Variants in FAM78B observed in about 807,000 individuals in gnomAD.
FAM78B encodes family with sequence similarity 78 member B.
Under a neutral mutation model 20.0 loss-of-function variants are expected in FAM78B, and 10 were observed. The ratio of observed to expected loss-of-function variants is 0.50; its 90% CI spans 0.31 to 0.85. The LOEUF is 0.85. Ranked by LOEUF, FAM78B falls within the 40% of genes least tolerant of loss-of-function variation. The pLI, the probability that FAM78B is intolerant of heterozygous loss-of-function variation, is 0.05. For synonymous variants in FAM78B, 135 were observed against 132.8 expected, an observed-to-expected ratio of 1.02 and a Z score of -0.12; for missense variants, 283 against 345.0, an observed-to-expected ratio of 0.82 and a Z score of 1.42.
intron 1 of FAM78B, among the ~76,000 whole-genome samples, chr1:166,100,382 A>G (rs1345781743): frequency 6.6e-6 from 1 of 152,226 alleles, no homozygotes. Context: ...CATGAGCCGA[A>G]GCAGGGCAAG....
chr1:166,070,167 C>G lies in FAM78B; in HGVS notation c.*74G>C. On this transcript the variant is annotated 3_prime_UTR_variant, in exon 2 of 2. Coordinates refer to ENST00000354422, the MANE Select transcript of FAM78B (RefSeq NM_001017961.5). The stretch of plus-strand genomic sequence containing the variant: ...GCTTTGGCTCAGAAACTCTGTTTGG[C>G]TCCTGCCACCCCTGGCACCCTCACT... 1 of 1,436,160 alleles carries G rather than the reference C, an allele frequency of 7.0e-7. No homozygotes were observed. Among genetic ancestry groups the G allele is most frequent in the Admixed American group, 2.4e-5 (1 of 41,696 alleles). 89.0% of individuals were successfully genotyped at this position (1,436,160 alleles called of 1,614,324 possible). A position where few individuals can be genotyped will look rare whatever the true frequency, so the allele number is the denominator to read the frequency against.
chr1:166,148,197 A>C lies in FAM78B; in HGVS notation c.263+17789T>G, dbSNP rs139496296. 7.9e-4 allele frequency among the ~76,000 whole-genome samples: 120 copies of C among 152,300 alleles called. 1 individual carries two copies. The highest frequency in any genetic ancestry group is 2.7e-3 in the African/African-American group (112 of 41,560). ...TCAACTCTAATCAGATGTTTTAAGGAGTGTCTTATGGCTAAAAGATAAATC... is the reference window on the plus strand; with the variant it reads ...TCAACTCTAATCAGATGTTTTAAGGCGTGTCTTATGGCTAAAAGATAAATC... On this transcript the variant is annotated intron_variant, in intron 1 of 1. Transcript: ENST00000354422.
chr1:166,077,746 T>C (rs933705006), intron 1 of FAM78B, among the ~76,000 whole-genome samples: 6 of 138,458 alleles, frequency 4.3e-5, no homozygotes, highest in African/African-American at 1.4e-4. Context: ...AATAAATACA[T>C]ATAATTACAT....
At chr1:166,085,386 G>A (rs1007034628) in intron 1 of FAM78B, among the ~76,000 whole-genome samples, 2 of 152,158 alleles carry the variant, frequency 1.3e-5, no homozygotes, top group Non-Finnish European at 2.9e-5. Flanking sequence ...TGCTAGCTTC[G>A]GAGGGTGGGG....
At chr1:166,148,549 G>A (rs1655558443) in intron 1 of FAM78B, among the ~76,000 whole-genome samples, 1 of 152,216 alleles carries the variant, frequency 6.6e-6, no homozygotes. Flanking sequence ...TAAACGCCTA[G>A]CACCTCATGT....
intron 1 of FAM78B, among the ~76,000 whole-genome samples, chr1:166,161,221 A>G (rs1571216081): frequency 6.6e-6 from 1 of 151,694 alleles, no homozygotes; most frequent in South Asian, 2.1e-4. Flanking sequence ...ATCTTGGTTC[A>G]CTGCAACCTC....
rs536191330 is a variant in FAM78B, at chr1:166,103,819, T to C, written c.264-33056A>G. 8.5e-5 allele frequency among the ~76,000 whole-genome samples: 13 copies of C among 152,184 alleles called. No individual in the cohort carries two copies. In the East Asian group the frequency reaches 1.2e-3, roughly 14 times the overall value. ...TTCCTTCTGAAACTATTCCAATCAA[T>C]AGAAAAAGAGGGTATCCTCCTTAAC... is the stretch of plus-strand genomic sequence containing the variant. On this transcript the variant is annotated intron_variant, in intron 1 of 1. Transcript: ENST00000354422.
intron 1 of FAM78B, among the ~76,000 whole-genome samples, chr1:166,097,223 T>C (rs555075566): frequency 2.6e-5 from 4 of 152,324 alleles, no homozygotes; most frequent in African/African-American, 9.6e-5. Context: ...GGGAGCTTGC[T>C]GGGTCCCCTA....
At chr1:166,065,987 C>G (rs1651778904), downstream of FAM78B, among the ~76,000 whole-genome samples, 1 of 152,152 alleles carries the variant, frequency 6.6e-6, no homozygotes, top group African/African-American at 2.4e-5. Context: ...CTGGCTCTTG[C>G]AATGTTTAAT....
downstream of FAM78B, among the ~76,000 whole-genome samples, chr1:166,067,748 T>G (rs1174334260): frequency 1.3e-5 from 2 of 152,200 alleles, no homozygotes; most frequent in Non-Finnish European, 2.9e-5. Flanking sequence ...GACACCCAAC[T>G]GTAGAGTTCA....
At chr1:166,057,224 C>CT (rs986807039), downstream of FAM78B, among the ~76,000 whole-genome samples, 11 of 152,170 alleles carry the variant, frequency 7.2e-5, no homozygotes, top group South Asian at 1.0e-3. Flanking sequence ...GTTGTCCATG[C>CT]TTTTTCCCAT....
chr1:166,113,514 A>G (rs1475460633), intron 1 of FAM78B, among the ~76,000 whole-genome samples: 6 of 152,222 alleles, frequency 3.9e-5, no homozygotes, highest in Non-Finnish European at 8.8e-5. Flanking sequence ...TGGGGTGTGA[A>G]TGCCCATTAG....
exon 3 of FAM78B, chr1:166,058,813 G>A (rs535495297): frequency 6.6e-6 from 1 of 152,174 alleles, no homozygotes; most frequent in East Asian, 2.0e-4. Flanking sequence ...TCTTGTAGAT[G>A]TGAAGGGTGA....
intron 1 of FAM78B, among the ~76,000 whole-genome samples, chr1:166,084,022 T>C (rs1652692048): frequency 6.6e-6 from 1 of 151,864 alleles, no homozygotes; most frequent in African/African-American, 2.4e-5. Flanking sequence ...CTTGACAAGG[T>C]AACAGGAGGG....
intron 1 of FAM78B, among the ~76,000 whole-genome samples, chr1:166,103,416 C>G (rs186410674): frequency 6.6e-6 from 1 of 152,080 alleles, no homozygotes; most frequent in South Asian, 2.1e-4. Context: ...AATCCAGGAG[C>G]TGGTTTTTTG....
At chr1:166,075,986 T>C (rs1320074116) in intron 1 of FAM78B, among the ~76,000 whole-genome samples, 30 of 152,174 alleles carry the variant, frequency 2.0e-4, no homozygotes, top group Admixed American at 2.0e-3. Flanking sequence ...TCAAAATATA[T>C]CTAGAATTCA....
intron 1 of FAM78B, among the ~76,000 whole-genome samples, chr1:166,113,770 G>A (rs185357572): frequency 5.0e-4 from 76 of 152,324 alleles, no homozygotes; most frequent in Non-Finnish European, 1.0e-4. Context: ...GGGACAGAAG[G>A]GAGGCTGAAC....
At chr1:166,077,897 A>ACAAAAT (rs1557890991) in intron 1 of FAM78B, among the ~76,000 whole-genome samples, 2 of 7,392 alleles carry the variant, frequency 2.7e-4, no homozygotes, top group African/African-American at 4.4e-4. Flanking sequence ...AAATATATAT[A>ACAAAAT]ATTTATATAT....
rs1656365908 is a variant in FAM78B at position 166,166,075 on chromosome 1, G to A, written c.174C>T (p.Pro58=). 6.2e-7 allele frequency: 1 copy of A among 1,613,834 alleles called. No homozygotes were observed. Among genetic ancestry groups the A allele is most frequent in the Admixed American group, 1.7e-5 (1 of 60,010 alleles). ...YFKASARVVM[P]PIPRHETWVV... is the part of the protein sequence containing the mutation. ...CCCAGGTCTCGTGGCGGGGGATGGGGGGCATGACCACGCGGGCGGAGGCTT... is the reference window on the plus strand; with the variant it reads ...CCCAGGTCTCGTGGCGGGGGATGGGAGGCATGACCACGCGGGCGGAGGCTT... The change falls in exon 1 of 2, where the codon CCC becomes CCT. Residue 58 remains proline (P), a synonymous_variant. Coordinates refer to ENST00000354422, the MANE Select transcript of FAM78B (RefSeq NM_001017961.5).
Sources: allele counts gnomAD v4.1 joint callset (sites outside exome capture counted in the v4.1 genomes callset), GRCh38; gene constraint gnomAD v4.1.1; transcripts MANE v1.5; gene names NCBI Gene and HGNC (gene_info 2026-07-23, HGNC 2026-07-21).